RC3H2: variants seen among roughly 807,000 people sequenced by gnomAD.
RC3H2 encodes the protein roquin-2.
A neutral mutation model predicts 133.3 loss-of-function variants in RC3H2; 31 were observed. The ratio of observed to expected loss-of-function variants is 0.23; its 90% confidence interval spans 0.17 to 0.31. The LOEUF (loss-of-function observed/expected upper bound fraction) is 0.31. Ranked by LOEUF, RC3H2 falls within the 10% of genes least tolerant of loss-of-function variation. RC3H2 has a pLI of 1.00. For missense variants in RC3H2, 1,175 were observed against 1,437.2 expected (o/e 0.82, Z 2.95); for synonymous variants, 517 against 502.2 (o/e 1.03, Z -0.40).
chr9:122,880,759 C>T lies in RC3H2; in HGVS notation c.795G>A (p.Gln265=), dbSNP rs1252099917. The change falls in exon 6 of 21, where the codon CAG becomes CAA. Residue 265 remains glutamine, a synonymous_variant. Coordinates refer to ENST00000357244, the MANE Select transcript of RC3H2 (RefSeq NM_001100588.3). ...CATAACTCCGAAATTCCTCCTTCAG[C>T]TGCATTAGGGAAGAGTCTTCATCTC... ...TKRDEDSSLM[Q]LKEEFRSYEA... is the part of the protein sequence containing the mutation. The T allele has an allele frequency of 1.9e-6, 3 of 1,613,868 alleles. No individual in the cohort carries two copies. The highest frequency in any genetic ancestry group is 1.7e-5 in the Admixed American group (1 of 59,992).
At position 122,890,538 on chromosome 9, in the gene RC3H2, A is replaced by G. The variant is rs1832119112; in HGVS notation, c.357T>C (p.Ala119=). Residue 119 remains alanine (A), a synonymous_variant, in exon 4 of 21, where the codon GCT becomes GCC. Coordinates refer to ENST00000357244, the MANE Select transcript of RC3H2 (RefSeq NM_001100588.3). Reference sequence around the variant, plus strand: ...GGCTCAGTGCACTCTGGTTCAAGCTAGCTACACCTTTAGGAAAAGGGAAAC... The same window carrying G: ...GGCTCAGTGCACTCTGGTTCAAGCTGGCTACACCTTTAGGAAAAGGGAAAC... ...LKPLSGGKGV[A]SLNQSALSRP... 2 of 1,604,952 alleles carry G rather than the reference A, an allele frequency of 1.2e-6. No homozygotes were observed. Among genetic ancestry groups the G allele is most frequent in the African/African-American group, 1.3e-5 (1 of 74,694 alleles).
At chr9:122,850,957 T>G (rs1480582303) in intron 20 of RC3H2, 124 bp downstream of exon 20, 6 of 1,021,076 alleles carry the variant, frequency 5.9e-6, no homozygotes, top group Non-Finnish European at 7.2e-6. Flanking sequence ...AAATCCAGAT[T>G]GACCAAATCA....
chr9:122,880,167 T>C (rs1480168856), intron 6 of RC3H2, 42 bp from the exon 7 acceptor site: 3 of 1,601,864 alleles, frequency 1.9e-6, no homozygotes, highest in Admixed American at 3.3e-5. Context: ...TTGGTTCTTA[T>C]GACACATTTA....
chr9:122,883,961 C>T lies in RC3H2; in HGVS notation c.584-582G>A, dbSNP rs183099916. Among the ~76,000 whole-genome samples, 402 of 152,194 alleles carry T rather than the reference C, an allele frequency of 2.6e-3. 1 individual carries two copies. Among genetic ancestry groups the T allele is most frequent in the Middle Eastern group, 0.014 (4 of 292 alleles). On this transcript the variant is annotated intron_variant, in intron 4 of 20. Transcript: ENST00000357244. ...TGAGCTGTGATCACATCACTGCACT[C>T]CAGCCTGGGTAACAGAGACCAACTC...
chr9:122,887,233 A>T (rs1831955554), intron 4 of RC3H2, among the ~76,000 whole-genome samples: 1 of 152,220 alleles, frequency 6.6e-6, no homozygotes, highest in South Asian at 2.1e-4. Context: ...CAGCTAAAAG[A>T]GGAAACTTTC....
chr9:122,879,984 C>A lies in RC3H2; in HGVS notation c.1093+9G>T. On this transcript the variant is annotated intron_variant, in intron 7 of 20. Transcript: ENST00000357244. ...AAAAATATAAGCAACTGAGCATATT[C>A]CCACATACCTGGATTAGGGTCTATG... The A allele has an allele frequency of 6.2e-7, 1 of 1,613,864 alleles. No homozygotes were observed.
intron 18 of RC3H2, among the ~76,000 whole-genome samples, chr9:122,852,494 C>T (rs1359526046): frequency 7.2e-6 from 1 of 139,074 alleles, no homozygotes; most frequent in Non-Finnish European, 1.5e-5. Context: ...AAGTGAGGAG[C>T]CCCTCTGCCT....
rs1829941184 is a variant in RC3H2, at chr9:122,849,550, A to AAT, written c.*75_*76dup. ...TTTTTAAAAAAAATATACATTATAT[A>AAT]ATATATATTATATATATAAAAAGCT... On this transcript the variant is annotated 3_prime_UTR_variant, in exon 21 of 21. Transcript: ENST00000357244. The AAT allele has an allele frequency of 1.2e-5, 6 of 506,420 alleles. 1 individual carries two copies. In the Admixed American group the frequency reaches 2.8e-4, roughly 24 times the overall value. 31.4% of individuals were successfully genotyped at this position (506,420 alleles called of 1,614,324 possible). A position where few individuals can be genotyped will look rare whatever the true frequency, so the allele number is the denominator to read the frequency against.
chr9:122,847,016 T>C lies in RC3H2; in HGVS notation c.*2611A>G, dbSNP rs927279388. On this transcript the variant is annotated 3_prime_UTR_variant, in exon 21 of 21. Transcript: ENST00000357244. The stretch of plus-strand genomic sequence containing the variant: ...CAACACAGAAACAATTCCTATGTTG[T>C]TAGTGAAAAAGAGAGTAAGTTTTTA... 3 of 152,064 alleles carry C rather than the reference T, an allele frequency of 2.0e-5. No homozygotes were observed. The highest frequency in any genetic ancestry group is 4.4e-5 in the Non-Finnish European group (3 of 67,962). The allele number at this position is 152,064 out of a possible 1,614,324, so 9.4% of individuals were successfully genotyped here.
At position 122,870,400 on chromosome 9, in the gene RC3H2, AC is replaced by A. The variant is rs1564298123; in HGVS notation, c.1326-4744del. ...CAAAAACAAACAAACAAACAAACAAACAAACAAACAAACAAAAAAAAAACAA... is the reference window on the plus strand; with the variant it reads ...CAAAAACAAACAAACAAACAAACAAAAAACAAACAAACAAAAAAAAAACAA... On this transcript the variant is annotated intron_variant, in intron 9 of 20. Transcript: ENST00000357244. 1.9e-3 allele frequency among the ~76,000 whole-genome samples: 251 copies of A among 132,518 alleles called. 6 individuals carry two copies. In the South Asian group the frequency reaches 0.04, roughly 21 times the overall value. The allele number at this position is 132,518 out of a possible 152,430, so 86.9% of individuals were successfully genotyped here.
chr9:122,887,741 C>CTTTT (rs112010654), intron 4 of RC3H2, among the ~76,000 whole-genome samples: 31 of 118,068 alleles, frequency 2.6e-4, no homozygotes, highest in East Asian at 1.6e-3. Flanking sequence ...ATACTTGTAT[C>CTTTT]TTTTTTTTTT....
intron 1 of RC3H2, 199 bp from the exon 2 acceptor site, chr9:122,897,775 G>C (rs1832483458): frequency 2.5e-6 from 1 of 394,512 alleles, no homozygotes; most frequent in Admixed American, 4.2e-5. Flanking sequence ...TACCTTAATA[G>C]TGTTCCTTTC....
intron 2 of RC3H2, among the ~76,000 whole-genome samples, chr9:122,896,253 T>C (rs1458955943): frequency 6.6e-6 from 1 of 152,218 alleles, no homozygotes. Context: ...AATTTATTAC[T>C]GACACATTGG....
At chr9:122,856,758 A>T (rs1426542615) in intron 13 of RC3H2, among the ~76,000 whole-genome samples, 1 of 152,248 alleles carries the variant, frequency 6.6e-6, no homozygotes, top group Non-Finnish European at 1.5e-5. Context: ...CTAGTTTACT[A>T]ATTATTCAGA....
intron 11 of RC3H2, 149 bp from the exon 12 acceptor site, chr9:122,859,251 G>GTTTTTT (rs1564287865): frequency 1.3e-5 from 4 of 307,344 alleles, no homozygotes; most frequent in Admixed American, 1.1e-4. Context: ...TTATACCCTG[G>GTTTTTT]CTTTTTTTTT....
chr9:122,877,981 G>A (rs553813736), intron 8 of RC3H2, among the ~76,000 whole-genome samples: 7 of 151,862 alleles, frequency 4.6e-5, no homozygotes, highest in African/African-American at 1.7e-4. Flanking sequence ...AGAAAAGGTA[G>A]AATACAATTC....
intron 9 of RC3H2, among the ~76,000 whole-genome samples, chr9:122,870,408 ACAAAC>A (rs1564298200): frequency 5.8e-4 from 35 of 60,030 alleles, no homozygotes; most frequent in Middle Eastern, 7.8e-3. Flanking sequence ...AAACAAACAA[ACAAAC>A]AAAAAAAAAA....
chr9:122,881,631 T>C (rs990057028), intron 5 of RC3H2, among the ~76,000 whole-genome samples: 1 of 152,032 alleles, frequency 6.6e-6, no homozygotes, highest in African/African-American at 2.4e-5. Context: ...TGGATATTAT[T>C]ATGAAGGGAA....
chr9:122,850,362 T>C (rs561331695), intron 20 of RC3H2, among the ~76,000 whole-genome samples: 1 of 152,180 alleles, frequency 6.6e-6, no homozygotes, highest in South Asian at 2.1e-4. Flanking sequence ...ATTAAGCCCA[T>C]ATTTTTGGCA....
Sources: gnomAD v4.1 joint callset for allele counts (sites outside exome capture counted in the v4.1 genomes callset) on GRCh38, gnomAD v4.1.1 for gene constraint, MANE v1.5 for transcripts, NCBI Gene and HGNC (gene_info 2026-07-23, HGNC 2026-07-21) for gene names.